SERPINB12: variants seen among roughly 807,000 people sequenced by gnomAD.
SERPINB12 encodes serpin family B member 12.
In SERPINB12, 57 loss-of-function variants were observed where a neutral mutation model predicts 41.1. The ratio of observed to expected loss-of-function variants is 1.39; its 90% CI spans 1.12 to 1.73. The LOEUF (loss-of-function observed/expected upper bound fraction) is 1.73, where lower values mean the gene tolerates loss of function less well. Among genes scored for constraint, SERPINB12 ranks in the 40% most tolerant of loss-of-function variants. SERPINB12 has a pLI of 0.00. For synonymous variants in SERPINB12, 180 were observed against 181.3 expected, an observed-to-expected ratio of 0.99 and a Z score of 0.06; for missense variants, 536 against 501.9, an observed-to-expected ratio of 1.07 and a Z score of -0.65.
chr18:63,522,069 C>CA, the SERPINB12 span, among the ~76,000 whole-genome samples: 3 of 152,088 alleles, frequency 2.0e-5, no homozygotes, highest in African/African-American at 7.2e-5. Context: ...CACAGATAAT[C>CA]AAAATAAGAC....
chr18:63,560,793 T>G (rs1272000023), intron 4 of SERPINB12, among the ~76,000 whole-genome samples: 1 of 152,164 alleles, frequency 6.6e-6, no homozygotes, highest in Non-Finnish European at 1.5e-5. Flanking sequence ...TTGTGATGGC[T>G]CCACAGATGG....
At chr18:63,566,246 A>T (rs1055063230) in intron 7 of SERPINB12, among the ~76,000 whole-genome samples, 2 of 152,224 alleles carry the variant, frequency 1.3e-5, no homozygotes, top group Non-Finnish European at 2.9e-5. Flanking sequence ...TATATACATG[A>T]TTTTATTAAT....
the SERPINB12 span, among the ~76,000 whole-genome samples, chr18:63,529,408 A>G: frequency 8.1e-4 from 123 of 152,244 alleles, 3 homozygotes; most frequent in Admixed American, 8.1e-3. Flanking sequence ...GTCTTTGGTG[A>G]TAGTTCTTGT....
chr18:63,539,133 C>T (rs1472901249), upstream of SERPINB12, among the ~76,000 whole-genome samples: 2 of 152,116 alleles, frequency 1.3e-5, no homozygotes, highest in African/African-American at 2.4e-5. Context: ...GTTATTTCCT[C>T]TCTCCAACAC....
At chr18:63,527,736 AC>A in the SERPINB12 span, among the ~76,000 whole-genome samples, 1 of 152,178 alleles carries the variant, frequency 6.6e-6, no homozygotes, top group African/African-American at 2.4e-5. Flanking sequence ...AACTCCTTTA[AC>A]AAACTGGGAA....
Position 63,559,650 on chromosome 18 carries a change from A to G in SERPINB12, c.376A>G (p.Ile126Val), listed in dbSNP as rs200040558. ...GCAGCTTCTCTCCAAATTAGACAGG[A>G]TCAAGACTGATTACACACTGAGTAT... ...FGQLLSKLDR[I>V]KTDYTLSIAN... Residue 126 changes from isoleucine (I) to valine (V), a missense_variant, in exon 4 of 8, where the codon ATC becomes GTC. By Grantham distance (29) the Ile-to-Val change is conservative (BLOSUM62 3). Transcript: ENST00000382768. 2.4e-5 allele frequency: 38 copies of G among 1,614,026 alleles called. No homozygotes were observed. The Admixed American group carries it at 5.7e-4, about 24-fold the overall frequency.
chr18:63,534,098 T>C, the SERPINB12 span, among the ~76,000 whole-genome samples: 6 of 152,290 alleles, frequency 3.9e-5, no homozygotes, highest in African/African-American at 1.2e-4. Flanking sequence ...GCTTGTTTTA[T>C]GGCATGATTT....
upstream of SERPINB12, among the ~76,000 whole-genome samples, chr18:63,537,741 G>GA (rs1403478481): frequency 3.9e-5 from 6 of 152,166 alleles, no homozygotes; most frequent in African/African-American, 1.4e-4. Context: ...TTCATGGTTT[G>GA]AAAAAACTCA....
intron 5 of SERPINB12, among the ~76,000 whole-genome samples, chr18:63,563,065 G>C (rs1215902139): frequency 2.0e-5 from 3 of 152,310 alleles, no homozygotes; most frequent in Admixed American, 1.3e-4. Flanking sequence ...CTTCTTGGCT[G>C]TGTGACTTCA....
At chr18:63,555,707 C>T (rs984216060) in intron 1 of SERPINB12, among the ~76,000 whole-genome samples, 9 of 152,072 alleles carry the variant, frequency 5.9e-5, no homozygotes, top group African/African-American at 2.2e-4. Flanking sequence ...GAGGCAGAGA[C>T]TTGAGTGATT....
rs1427541637 is a variant in SERPINB12, at chr18:63,568,592, T to C, written c.*1581T>C. ...ATGTTCTGCCATGACCACTGACACG[T>C]CCAACTCACATCTCTTTGGAGTCAG... On this transcript the variant is annotated 3_prime_UTR_variant, in exon 8 of 8. Transcript: ENST00000382768. 6.6e-6 allele frequency among the ~76,000 whole-genome samples: 1 copy of C among 152,156 alleles called. No homozygotes were observed. The highest frequency in any genetic ancestry group is 2.4e-5 in the African/African-American group (1 of 41,420).
At position 63,567,399 on chromosome 18, in the gene SERPINB12, G is replaced by A. The variant is rs529132706; in HGVS notation, c.*388G>A. ...GCAAGAGAACATGTTTGACTGGAAC[G>A]TGTTTGGAAACTCAGCTCTGTTTCT... is the stretch of plus-strand genomic sequence containing the variant. On this transcript the variant is annotated 3_prime_UTR_variant, in exon 8 of 8. Coordinates refer to ENST00000382768, the MANE Select transcript of SERPINB12 (RefSeq NM_001307928.2). Among the ~76,000 whole-genome samples, 3 of 152,180 alleles carry A rather than the reference G, an allele frequency of 2.0e-5. No individual in the cohort carries two copies. Among genetic ancestry groups the A allele is most frequent in the Admixed American group, 6.5e-5 (1 of 15,280 alleles).
intron 1 of SERPINB12, among the ~76,000 whole-genome samples, chr18:63,545,561 A>T (rs1910368810): frequency 6.6e-6 from 1 of 152,198 alleles, no homozygotes; most frequent in Admixed American, 6.5e-5. Flanking sequence ...TTGTTGAATT[A>T]TTTAAGAGGA....
chr18:63,562,488 C>T (rs983391251), intron 5 of SERPINB12, among the ~76,000 whole-genome samples: 5 of 152,132 alleles, frequency 3.3e-5, no homozygotes, highest in African/African-American at 1.2e-4. Flanking sequence ...TTTAGGCTGT[C>T]CTTGGTACCA....
At chr18:63,539,673 T>C (rs1252092203), upstream of SERPINB12, among the ~76,000 whole-genome samples, 1 of 152,092 alleles carries the variant, frequency 6.6e-6, no homozygotes, top group Non-Finnish European at 1.5e-5. Context: ...CACCAATGTC[T>C]GGCATGGTGG....
chr18:63,551,531 G>T (rs773657786), intron 1 of SERPINB12, among the ~76,000 whole-genome samples: 22 of 151,960 alleles, frequency 1.4e-4, no homozygotes, highest in Non-Finnish European at 2.2e-4. Context: ...CACCATGTTG[G>T]CTGGGCTGCA....
intron 4 of SERPINB12, among the ~76,000 whole-genome samples, chr18:63,560,571 T>C (rs1910869869): frequency 6.6e-6 from 1 of 152,236 alleles, no homozygotes; most frequent in Non-Finnish European, 1.5e-5. Flanking sequence ...TTTTTAAAAT[T>C]ATAGTAAAAT....
At chr18:63,537,468 T>C (rs1468061140), upstream of SERPINB12, among the ~76,000 whole-genome samples, 1 of 152,228 alleles carries the variant, frequency 6.6e-6, no homozygotes, top group Non-Finnish European at 1.5e-5. Flanking sequence ...CCTAGACTGA[T>C]GACATACCAG....
chr18:63,569,151 T>C lies in SERPINB12; in HGVS notation c.*2140T>C, dbSNP rs1390282505. ...TTGGTAAACACATTTTTTTTTCATT[T>C]ACATCGGGATTTCTCAGATTTTGAA... On this transcript the variant is annotated 3_prime_UTR_variant, in exon 8 of 8. Coordinates refer to ENST00000382768, the MANE Select transcript of SERPINB12 (RefSeq NM_001307928.2). 6.6e-6 allele frequency among the ~76,000 whole-genome samples: 1 copy of C among 151,860 alleles called. No homozygotes were observed. The highest frequency in any genetic ancestry group is 1.5e-5 in the Non-Finnish European group (1 of 68,036).
Sources: allele counts gnomAD v4.1 joint callset (sites outside exome capture counted in the v4.1 genomes callset), GRCh38; gene constraint gnomAD v4.1.1; transcripts MANE v1.5; gene names NCBI Gene and HGNC (gene_info 2026-07-23, HGNC 2026-07-21).